Variants in CDH23 observed in about 807,000 individuals in gnomAD.
CDH23 encodes the protein cadherin-23.
In CDH23, 189 loss-of-function variants were observed where a neutral mutation model predicts 317.1. That is an observed-to-expected ratio of 0.60 (90% CI 0.53 to 0.67). CDH23 has a LOEUF of 0.67. CDH23 is among the 30% of genes least tolerant of loss of function. The pLI, the probability that CDH23 is intolerant of heterozygous loss-of-function variation, is 0.00. For missense variants in CDH23, 4,401 were observed against 4,592.4 expected, an observed-to-expected ratio of 0.96 and a Z score of 1.20; for synonymous variants, 1,839 against 1,876.8, an observed-to-expected ratio of 0.98 and a Z score of 0.52.
intron 6 of CDH23, among the ~76,000 whole-genome samples, chr10:71,515,754 G>C (rs1854301650): frequency 6.6e-6 from 1 of 152,230 alleles, no homozygotes; most frequent in Non-Finnish European, 1.5e-5. Context: ...GCTAGGAAAA[G>C]TCCTTAGCAC....
At chr10:71,785,530 T>C (rs1315566060) in intron 43 of CDH23, 101 bp from the exon 44 acceptor site, 10 of 787,734 alleles carry the variant, frequency 1.3e-5, no homozygotes, top group East Asian at 5.4e-5. Flanking sequence ...GATCATCTCT[T>C]AGGCAATTTA....
chr10:71,759,854 C>CACACACATATATATACACACACACAT (rs1554868480), intron 38 of CDH23, among the ~76,000 whole-genome samples: 3 of 109,194 alleles, frequency 2.7e-5, no homozygotes, highest in Non-Finnish European at 6.2e-5. Context: ...CACATATACA[C>CACACACATATATATACACACACACAT]ACACACACAC....
intron 38 of CDH23, among the ~76,000 whole-genome samples, chr10:71,770,128 C>T (rs1421850091): frequency 6.6e-6 from 1 of 152,216 alleles, no homozygotes; most frequent in Non-Finnish European, 1.5e-5. Flanking sequence ...CCTGGGCACT[C>T]CATTAGGCCC....
intron 9 of CDH23, among the ~76,000 whole-genome samples, chr10:71,598,370 T>A (rs1400597223): frequency 2.0e-5 from 3 of 152,200 alleles, no homozygotes; most frequent in Admixed American, 2.0e-4. Flanking sequence ...TTTCTATGAG[T>A]GCTGAGTCTC....
intron 38 of CDH23, among the ~76,000 whole-genome samples, chr10:71,775,120 C>T (rs1840787445): frequency 6.6e-6 from 1 of 152,126 alleles, no homozygotes; most frequent in South Asian, 2.1e-4. Context: ...GGAAGGCAGC[C>T]CAGGGCCCTT....
chr10:71,435,587 G>A (rs1200687793), intron 1 of CDH23, among the ~76,000 whole-genome samples: 1 of 152,192 alleles, frequency 6.6e-6, no homozygotes. Context: ...CTTACCTCTG[G>A]AGCAGGTCTC....
intron 38 of CDH23, chr10:71,755,577 C>T: frequency 1.0e-6 from 1 of 960,288 alleles, no homozygotes; most frequent in Non-Finnish European, 1.6e-6. Context: ...CGCCTTTCCC[C>T]AGAGTCCCAC....
At chr10:71,446,461 A>G in intron 3 of CDH23, 66 bp downstream of exon 3, 1 of 1,471,652 alleles carries the variant, frequency 6.8e-7, no homozygotes, top group Non-Finnish European at 9.5e-7. Context: ...CCACAAGTGA[A>G]GGGGATCTTA....
At chr10:71,600,194 G>A (rs1182395508) in intron 9 of CDH23, among the ~76,000 whole-genome samples, 1 of 151,864 alleles carries the variant, frequency 6.6e-6, no homozygotes, top group Non-Finnish European at 1.5e-5. Flanking sequence ...TAGAGACAGG[G>A]TTTTACCATG....
At chr10:71,780,872 G>A (rs1840933691) in intron 41 of CDH23, among the ~76,000 whole-genome samples, 1 of 152,112 alleles carries the variant, frequency 6.6e-6, no homozygotes, top group Admixed American at 6.5e-5. Context: ...AGGGAAAGAG[G>A]TGGCCACCTC....
Position 71,691,177 on chromosome 10 carries a change from C to A in CDH23, c.2176+593C>A, listed in dbSNP as rs1187632315. Among the ~76,000 whole-genome samples the A allele has an allele frequency of 3.3e-5, 5 of 152,206 alleles. No individual in the cohort carries two copies. In the East Asian group the frequency reaches 9.6e-4, roughly 29 times the overall value. Reference sequence around the variant, plus strand: ...CCATGTAACTCTCTTCTTTCTTCTTCGTCTCTCCATGTACATTCCTCAGTT... The same window carrying A: ...CCATGTAACTCTCTTCTTTCTTCTTAGTCTCTCCATGTACATTCCTCAGTT... On this transcript the variant is annotated intron_variant, in intron 20 of 69. Transcript: ENST00000224721.
chr10:71,420,509 GTGA>G (rs2078556077), intron 1 of CDH23, among the ~76,000 whole-genome samples: 2 of 15,810 alleles, frequency 1.3e-4, no homozygotes, highest in East Asian at 2.2e-3. Flanking sequence ...AATGGTGATG[GTGA>G]TGATGGTGAA....
intron 14 of CDH23, among the ~76,000 whole-genome samples, chr10:71,665,989 G>A (rs1863875144): frequency 6.6e-6 from 1 of 152,240 alleles, no homozygotes; most frequent in Non-Finnish European, 1.5e-5. Flanking sequence ...TTCCTCTGCA[G>A]TCAATGCCGT....
intron 30 of CDH23, among the ~76,000 whole-genome samples, chr10:71,726,281 A>C (rs1431249431): frequency 2.0e-5 from 3 of 152,150 alleles, no homozygotes; most frequent in Non-Finnish European, 2.9e-5. Flanking sequence ...GGAGATGGGA[A>C]GAGTCAGGCA....
intron 11 of CDH23, among the ~76,000 whole-genome samples, chr10:71,628,331 G>C (rs987387191): frequency 6.6e-6 from 1 of 152,206 alleles, no homozygotes; most frequent in Non-Finnish European, 1.5e-5. Context: ...TGCAGGGATG[G>C]GGCTGGGCAC....
At chr10:71,534,807 A>G (rs2132271186) in intron 6 of CDH23, among the ~76,000 whole-genome samples, 1 of 152,238 alleles carries the variant, frequency 6.6e-6, no homozygotes, top group East Asian at 1.9e-4. Flanking sequence ...ACAGCCCCAA[A>G]GTATTGCTCC....
intron 11 of CDH23, among the ~76,000 whole-genome samples, chr10:71,639,509 G>A (rs575564707): frequency 1.3e-5 from 2 of 152,326 alleles, no homozygotes; most frequent in South Asian, 2.1e-4. Flanking sequence ...TCCTGGCATC[G>A]CACTTGGAGC....
Position 71,777,835 on chromosome 10 carries a change from C to T in CDH23, c.5001C>T (p.Asn1667=), listed in dbSNP as rs1309537853. The part of the protein sequence containing the change: ...IQALDLDEGP[N]GTVTYAIVAG... The stretch of plus-strand genomic sequence containing the variant: ...CACTGGACCTGGATGAGGGTCCCAA[C>T]GGCACAGTCACCTATGCCATCGTCG... Residue 1667 remains asparagine (N), a synonymous_variant, in exon 39 of 70, where the codon AAC becomes AAT. Transcript: ENST00000224721. The T allele has an allele frequency of 1.8e-5, 29 of 1,613,870 alleles. 1 individual carries two copies. The East Asian group carries it at 2.9e-4, about 16-fold the overall frequency.
intron 17 of CDH23, among the ~76,000 whole-genome samples, chr10:71,680,764 GA>G (rs1280248961): frequency 6.4e-5 from 4 of 62,208 alleles, no homozygotes; most frequent in South Asian, 7.2e-4. Context: ...AAAAAAAAAA[GA>G]AAAAGAAATT....
Sources: allele counts gnomAD v4.1 joint callset (sites outside exome capture counted in the v4.1 genomes callset), GRCh38; gene constraint gnomAD v4.1.1; transcripts MANE v1.5; gene names NCBI Gene and HGNC (gene_info 2026-07-23, HGNC 2026-07-21).